The following CCDC192 variants were observed in gnomAD, a reference collection of about 807,000 sequenced individuals.
CCDC192 encodes the protein coiled-coil domain-containing protein 192.
At chr5:127,855,736 G>A (rs764316857) in intron 5 of CCDC192, among the ~76,000 whole-genome samples, 4 of 152,168 alleles carry the variant, frequency 2.6e-5, no homozygotes, top group African/African-American at 9.7e-5. Flanking sequence ...TATGTGAGTA[G>A]GCATGAGAAC....
chr5:127,870,960 G>T (rs965070578), intron 5 of CCDC192, among the ~76,000 whole-genome samples: 1 of 152,208 alleles, frequency 6.6e-6, no homozygotes, highest in Non-Finnish European at 1.5e-5. Context: ...CGAGCATTTT[G>T]CTAGTGGGCC....
At chr5:127,805,120 A>G (rs1757712446) in intron 5 of CCDC192, among the ~76,000 whole-genome samples, 1 of 152,188 alleles carries the variant, frequency 6.6e-6, no homozygotes, top group Non-Finnish European at 1.5e-5. Context: ...CTCTAGAAGC[A>G]TCACTTCATT....
chr5:127,861,753 T>TG (rs1427316505), intron 5 of CCDC192, among the ~76,000 whole-genome samples: 1 of 152,186 alleles, frequency 6.6e-6, no homozygotes, highest in African/African-American at 2.4e-5. Flanking sequence ...TTAATTCATG[T>TG]GTATGTAAAC....
chr5:127,709,162 G>A lies in CCDC192; in HGVS notation c.114+1402G>A, dbSNP rs1346137885. Among the ~76,000 whole-genome samples, 7 of 120,194 alleles carry A rather than the reference G, an allele frequency of 5.8e-5. 1 individual carries two copies. Among genetic ancestry groups the A allele is most frequent in the African/African-American group, 2.2e-4 (7 of 31,508 alleles). The allele number at this position is 120,194 out of a possible 152,430, so 78.9% of individuals were successfully genotyped here. A position where few individuals can be genotyped will look rare whatever the true frequency, so the allele number is the denominator to read the frequency against. On this transcript the variant is annotated intron_variant, in intron 2 of 6. Transcript: ENST00000514853. ...GAGGAGAGAAAGAAGAGAGAGAGAGGGGGAGAGGGGGAGAGAGGGGGAGAG... is the reference window on the plus strand; with the variant it reads ...GAGGAGAGAAAGAAGAGAGAGAGAGAGGGAGAGGGGGAGAGAGGGGGAGAG...
At chr5:127,752,558 G>T (rs955399360) in intron 2 of CCDC192, among the ~76,000 whole-genome samples, 1 of 152,240 alleles carries the variant, frequency 6.6e-6, no homozygotes, top group South Asian at 2.1e-4. Flanking sequence ...GGTTACTGCT[G>T]TCTTTTTGTT....
intron 3 of CCDC192, among the ~76,000 whole-genome samples, chr5:127,763,571 T>C (rs1755049343): frequency 6.6e-6 from 1 of 152,284 alleles, no homozygotes; most frequent in African/African-American, 2.4e-5. Context: ...AATCTTAAAT[T>C]AGCCTGATTT....
At chr5:127,892,053 A>T (rs902075389) in intron 6 of CCDC192, among the ~76,000 whole-genome samples, 1 of 152,168 alleles carries the variant, frequency 6.6e-6, no homozygotes, top group African/African-American at 2.4e-5. Flanking sequence ...TTGGGTTTTT[A>T]TCAGAGTACT....
intron 3 of CCDC192, among the ~76,000 whole-genome samples, chr5:127,771,370 A>G (rs1561479138): frequency 1.3e-5 from 2 of 152,348 alleles, no homozygotes; most frequent in South Asian, 4.1e-4. Flanking sequence ...TGCCTTTTTA[A>G]AAGAGTTCAA....
At chr5:127,919,780 T>C (rs1753654687) in intron 6 of CCDC192, among the ~76,000 whole-genome samples, 1 of 152,200 alleles carries the variant, frequency 6.6e-6, no homozygotes, top group Admixed American at 6.5e-5. Context: ...CTATTCTATC[T>C]CACAAGATAT....
intron 5 of CCDC192, among the ~76,000 whole-genome samples, chr5:127,847,651 C>T (rs1468812528): frequency 6.6e-6 from 1 of 151,684 alleles, no homozygotes. Flanking sequence ...GGTGAAACTC[C>T]GTCTCTACTA....
intron 5 of CCDC192, among the ~76,000 whole-genome samples, chr5:127,826,978 A>G (rs989498453): frequency 1.3e-5 from 2 of 152,202 alleles, no homozygotes; most frequent in Admixed American, 1.3e-4. Context: ...TTCTCCAGAT[A>G]TTTTGAAATC....
At chr5:127,754,660 A>G (rs796214218) in intron 3 of CCDC192, among the ~76,000 whole-genome samples, 165 of 152,110 alleles carry the variant, frequency 1.1e-3, no homozygotes, top group African/African-American at 3.6e-3. Flanking sequence ...ACCACAGGCC[A>G]TGAGTTAGGC....
intron 5 of CCDC192, among the ~76,000 whole-genome samples, chr5:127,835,957 A>G (rs1296800899): frequency 6.6e-6 from 1 of 152,172 alleles, no homozygotes; most frequent in Non-Finnish European, 1.5e-5. Flanking sequence ...TGCCTTCCCA[A>G]CAGTCCCTCA....
chr5:127,811,563 A>T (rs568438266), intron 5 of CCDC192, among the ~76,000 whole-genome samples: 9 of 152,156 alleles, frequency 5.9e-5, no homozygotes, highest in Admixed American at 5.9e-4. Context: ...ATATATTTTT[A>T]TTTATTTTGT....
At chr5:127,704,825 C>T (rs1219173810) in intron 1 of CCDC192, among the ~76,000 whole-genome samples, 8 of 149,562 alleles carry the variant, frequency 5.3e-5, no homozygotes, top group Non-Finnish European at 7.4e-5. Context: ...GGCGACAGAG[C>T]GAAACTCCAT....
At chr5:127,817,017 G>A (rs1749055813) in intron 5 of CCDC192, among the ~76,000 whole-genome samples, 1 of 152,138 alleles carries the variant, frequency 6.6e-6, no homozygotes, top group Non-Finnish European at 1.5e-5. Context: ...GTCAAACAAA[G>A]GTGATAATGT....
chr5:127,866,331 T>C (rs913925020), intron 5 of CCDC192, among the ~76,000 whole-genome samples: 2 of 151,782 alleles, frequency 1.3e-5, no homozygotes, highest in African/African-American at 4.8e-5. Flanking sequence ...AATTTCTCCA[T>C]ATGCGTTTAA....
intron 2 of CCDC192, among the ~76,000 whole-genome samples, chr5:127,717,485 C>T (rs1751689491): frequency 6.6e-6 from 1 of 151,704 alleles, no homozygotes; most frequent in Admixed American, 6.6e-5. Flanking sequence ...TAATAGTATC[C>T]TTGTAATTGG....
intron 2 of CCDC192, among the ~76,000 whole-genome samples, chr5:127,744,401 G>A (rs997456390): frequency 2.0e-5 from 3 of 152,020 alleles, no homozygotes; most frequent in Non-Finnish European, 2.9e-5. Flanking sequence ...GTAATGAATA[G>A]ATATCAAACA....
Sources: allele counts gnomAD v4.1 joint callset (sites outside exome capture counted in the v4.1 genomes callset), GRCh38; gene constraint gnomAD v4.1.1; transcripts MANE v1.5; gene names NCBI Gene and HGNC (gene_info 2026-07-23, HGNC 2026-07-21).